PACRG: variants seen among roughly 807,000 people sequenced by gnomAD.
The protein encoded by PACRG is parkin coregulated gene protein.
A neutral mutation model predicts 29.7 loss-of-function variants in PACRG; 29 were observed. The observed-to-expected ratio is 0.98, with a 90% CI of 0.73 to 1.33. PACRG has a LOEUF of 1.33. Ranked by LOEUF, PACRG falls within the 40% of genes most tolerant of loss-of-function variation. PACRG has a pLI of 0.00. For missense variants in PACRG, 279 were observed against 316.2 expected (o/e 0.88, Z 0.89); for synonymous variants, 116 against 118.7 (o/e 0.98, Z 0.15).
chr6:163,104,440 A>G (rs116980025), intron 4 of PACRG, among the ~76,000 whole-genome samples: 1,985 of 152,236 alleles, frequency 0.013, 87 homozygotes, highest in Admixed American at 0.085. Flanking sequence ...TGGGTAATTT[A>G]TTTTTAAAAA....
intron 4 of PACRG, among the ~76,000 whole-genome samples, chr6:163,262,920 C>T (rs1585381018): frequency 6.7e-6 from 1 of 148,386 alleles, no homozygotes; most frequent in Non-Finnish European, 1.5e-5. Context: ...TGTGGTGGCG[C>T]ATGCCCAGGT....
chr6:162,853,934 G>A lies in PACRG; in HGVS notation c.291+39653G>A, dbSNP rs1180554683. 6.6e-6 allele frequency among the ~76,000 whole-genome samples: 1 copy of A among 151,900 alleles called. No homozygotes were observed. Among genetic ancestry groups the A allele is most frequent in the African/African-American group, 2.4e-5 (1 of 41,340 alleles). On this transcript the variant is annotated intron_variant, in intron 2 of 4. Transcript: ENST00000366888. The surrounding 1 kb of genome is among the most constrained non-coding windows in gnomAD (Gnocchi z 4.7). Reference sequence around the variant, plus strand: ...GAACTTAGAATATTGTTGGGTCCATGCTAGGTATAAATATTAACTATTATT... The same window carrying A: ...GAACTTAGAATATTGTTGGGTCCATACTAGGTATAAATATTAACTATTATT...
At chr6:163,023,429 T>G (rs540578059) in intron 2 of PACRG, among the ~76,000 whole-genome samples, 16 of 152,248 alleles carry the variant, frequency 1.1e-4, no homozygotes, top group Non-Finnish European at 2.2e-4. Flanking sequence ...AGCTGTGTAG[T>G]ATTTCATAGT....
intron 2 of PACRG, among the ~76,000 whole-genome samples, chr6:162,950,620 G>T (rs567429372): frequency 6.6e-6 from 1 of 152,044 alleles, no homozygotes; most frequent in African/African-American, 2.4e-5. Flanking sequence ...TTGGATATAC[G>T]TTCATGATTC....
chr6:163,231,431 G>A (rs1172371809), intron 4 of PACRG, among the ~76,000 whole-genome samples: 2 of 152,164 alleles, frequency 1.3e-5, no homozygotes, highest in Non-Finnish European at 2.9e-5. Flanking sequence ...GGGCTTGCTG[G>A]AAGTCTGCAC....
At chr6:162,837,029 T>G (rs2128401738) in intron 2 of PACRG, among the ~76,000 whole-genome samples, 1 of 152,290 alleles carries the variant, frequency 6.6e-6, no homozygotes, top group Non-Finnish European at 1.5e-5. Flanking sequence ...TAAGTATTTT[T>G]TTTTAACAAT....
At chr6:163,217,621 G>A (rs997261197) in intron 4 of PACRG, among the ~76,000 whole-genome samples, 2 of 152,314 alleles carry the variant, frequency 1.3e-5, no homozygotes, top group South Asian at 2.1e-4. Context: ...GTGGGCAGGT[G>A]AGCAAGGCTT....
chr6:163,078,994 T>A (rs1456552706), intron 3 of PACRG, among the ~76,000 whole-genome samples: 1 of 151,870 alleles, frequency 6.6e-6, no homozygotes, highest in African/African-American at 2.4e-5. Context: ...GTGAGGGGCC[T>A]GAGCATGCTG....
intron 3 of PACRG, among the ~76,000 whole-genome samples, chr6:163,062,968 C>A (rs891159722): frequency 1.3e-5 from 2 of 152,132 alleles, no homozygotes; most frequent in Non-Finnish European, 2.9e-5. Context: ...CCAGAACACT[C>A]TCTGGCCATT....
intron 4 of PACRG, among the ~76,000 whole-genome samples, chr6:163,098,282 G>A (rs1814781556): frequency 6.6e-6 from 1 of 152,188 alleles, no homozygotes; most frequent in African/African-American, 2.4e-5. Flanking sequence ...GTGTGGAACA[G>A]GCCATGTGAT....
intron 4 of PACRG, among the ~76,000 whole-genome samples, chr6:163,304,607 A>G (rs1032407752): frequency 1.3e-5 from 2 of 152,256 alleles, no homozygotes; most frequent in Non-Finnish European, 2.9e-5. Context: ...AAAAGAAAGA[A>G]AGATGATGTG....
intron 4 of PACRG, among the ~76,000 whole-genome samples, chr6:163,206,840 C>A (rs114223847): frequency 0.031 from 4,677 of 151,434 alleles, 226 homozygotes; most frequent in African/African-American, 0.11. Context: ...GTTGAATTCT[C>A]TGAGAGAGAA....
intron 2 of PACRG, among the ~76,000 whole-genome samples, chr6:162,827,861 T>C (rs1004218368): frequency 6.6e-6 from 1 of 151,968 alleles, no homozygotes. Context: ...TAAAAGTCTT[T>C]CCTGACTTTC....
At chr6:162,727,936 C>CG (rs900248963), upstream of PACRG, 60 of 590,522 alleles carry the variant, frequency 1.0e-4, no homozygotes, top group South Asian at 7.9e-4. Flanking sequence ...CTTACGTCAC[C>CG]GGGGGGCGGG....
At chr6:162,941,691 A>G (rs1798643325) in intron 2 of PACRG, among the ~76,000 whole-genome samples, 1 of 152,204 alleles carries the variant, frequency 6.6e-6, no homozygotes, top group South Asian at 2.1e-4. Context: ...TTATTTAATC[A>G]TGCTACATTG....
intron 4 of PACRG, among the ~76,000 whole-genome samples, chr6:163,188,824 T>A (rs1780073343): frequency 6.6e-6 from 1 of 152,210 alleles, no homozygotes. Flanking sequence ...TAGCATTCAG[T>A]AGAGGGGAAA....
chr6:163,068,138 G>A (rs1811716799), intron 3 of PACRG, among the ~76,000 whole-genome samples: 1 of 151,998 alleles, frequency 6.6e-6, no homozygotes, highest in Admixed American at 6.6e-5. Flanking sequence ...CCTTTTTTAT[G>A]TTCAACCTCT....
At chr6:163,200,589 A>G (rs1160502280) in intron 4 of PACRG, among the ~76,000 whole-genome samples, 1 of 152,174 alleles carries the variant, frequency 6.6e-6, no homozygotes, top group East Asian at 1.9e-4. Context: ...AGCAGCATGC[A>G]AGATGTATTG....
intron 2 of PACRG, among the ~76,000 whole-genome samples, chr6:162,968,978 C>T (rs749556554): frequency 3.0e-5 from 4 of 134,084 alleles, no homozygotes; most frequent in East Asian, 2.4e-4. Flanking sequence ...ACCCAGGAAG[C>T]GAAGGTTGCA....
Sources: gnomAD v4.1 joint callset for allele counts (sites outside exome capture counted in the v4.1 genomes callset) on GRCh38, gnomAD v4.1.1 for gene constraint, Gnocchi (gnomAD v3.1) non-coding constraint, MANE v1.5 for transcripts, NCBI Gene and HGNC (gene_info 2026-07-23, HGNC 2026-07-21) for gene names.